Variants in LIPA observed in about 807,000 individuals in gnomAD.
The protein encoded by LIPA is lipase A, lysosomal acid type.
Under a neutral mutation model 40.6 loss-of-function variants are expected in LIPA, and 26 were observed. The ratio of observed to expected loss-of-function variants is 0.64; its 90% CI spans 0.47 to 0.89. The LOEUF (loss-of-function observed/expected upper bound fraction) is 0.89, where lower values mean the gene tolerates loss of function less well. Among genes scored for constraint, LIPA ranks in the 40% least tolerant of loss-of-function variants. The pLI, the probability that LIPA is intolerant of heterozygous loss-of-function variation, is 0.00. For synonymous variants in LIPA, 188 were observed against 168.4 expected (o/e 1.12, Z -0.90); for missense variants, 455 against 479.6 (o/e 0.95, Z 0.48).
At chr10:89,373,549 C>G (rs969636287) in intron 2 of LIPA, among the ~76,000 whole-genome samples, 3 of 152,068 alleles carry the variant, frequency 2.0e-5, no homozygotes, top group Non-Finnish European at 2.9e-5. Flanking sequence ...AAACATCAGA[C>G]ACTCTCTGTA....
chr10:89,401,325 T>C (rs303213), intron 2 of LIPA, among the ~76,000 whole-genome samples: 26,373 of 152,036 alleles, frequency 0.17, 2,941 homozygotes, highest in East Asian at 0.44. Flanking sequence ...TTTCACCATG[T>C]TGGTCAGCTG....
At position 89,280,905 on chromosome 10, in the gene LIPA, A is replaced by C. The variant is rs1843311196; in HGVS notation, c.-1-33256T>G. Reference sequence around the variant, plus strand: ...ACCTCTTTGCATTCCAGCTATTATAATCCCAATTTACCCTAAAGAAACTCT... The same window carrying C: ...ACCTCTTTGCATTCCAGCTATTATACTCCCAATTTACCCTAAAGAAACTCT... On this transcript the variant is annotated intron_variant, in intron 1 of 5. Coordinates refer to the LIPA transcript ENST00000282673. Among the ~76,000 whole-genome samples, 4 of 152,210 alleles carry C rather than the reference A, an allele frequency of 2.6e-5. No homozygotes were observed. In the South Asian group the frequency reaches 8.3e-4, roughly 32 times the overall value.
chr10:89,283,198 A>T (rs1843325160), intron 1 of LIPA, among the ~76,000 whole-genome samples: 1 of 152,220 alleles, frequency 6.6e-6, no homozygotes, highest in African/African-American at 2.4e-5. Flanking sequence ...AAAGGTGGCC[A>T]ACCATTCAAA....
At chr10:89,292,377 A>G (rs142215172) in intron 1 of LIPA, 1 of 152,366 alleles carries the variant, frequency 6.6e-6, no homozygotes, top group Admixed American at 6.5e-5. Flanking sequence ...AGCGAATAAA[A>G]AGAAAAAAAG....
intron 1 of LIPA, among the ~76,000 whole-genome samples, chr10:89,281,987 T>C (rs2133498499): frequency 6.6e-6 from 1 of 152,348 alleles, no homozygotes; most frequent in Non-Finnish European, 1.5e-5. Flanking sequence ...GTGTTCCATG[T>C]GCATTCACAT....
At chr10:89,284,771 G>A (rs939256531) in intron 1 of LIPA, among the ~76,000 whole-genome samples, 2 of 152,168 alleles carry the variant, frequency 1.3e-5, no homozygotes, top group African/African-American at 2.4e-5. Flanking sequence ...TGACCTGCAC[G>A]TATAAATCCG....
At chr10:89,344,868 A>C (rs1409683376), upstream of LIPA, among the ~76,000 whole-genome samples, 4 of 152,228 alleles carry the variant, frequency 2.6e-5, no homozygotes, top group African/African-American at 7.2e-5. Flanking sequence ...CCAGAGCAAC[A>C]AAACTGCAGA....
In LIPA at chr10:89,411,911, G is replaced by A. The variant is rs550785246; in HGVS notation, c.61+880C>T. Among the ~76,000 whole-genome samples the A allele has an allele frequency of 2.6e-5, 4 of 152,338 alleles. No homozygotes were observed. In the South Asian group the frequency reaches 6.2e-4, roughly 24 times the overall value. On this transcript the variant is annotated intron_variant, in intron 2 of 8. Transcript: ENST00000371837. ...TTCTAGGTCCTGTGGCAGCCATCTT[G>A]CTGTTACTTGTCTTTGGGCCCTGTG...
intron 2 of LIPA, among the ~76,000 whole-genome samples, chr10:89,391,590 T>C (rs1161112978): frequency 1.3e-5 from 2 of 152,154 alleles, no homozygotes; most frequent in Non-Finnish European, 2.9e-5. Flanking sequence ...AGTACAGTGG[T>C]GTGATCTCGG....
At chr10:89,285,290 C>T in intron 1 of LIPA, 1 of 153,176 alleles carries the variant, frequency 6.5e-6, no homozygotes, top group Non-Finnish European at 1.5e-5. Flanking sequence ...TTACTCTCTT[C>T]TCCAATCTCT....
At chr10:89,307,012 C>A (rs1727) in intron 1 of LIPA, 1,233,479 of 1,613,674 alleles carry the variant, frequency 0.76, 475,430 homozygotes, top group East Asian at 0.98. Flanking sequence ...AGTATGAAGA[C>A]GCAGAGTATT....
chr10:89,233,777 AATT>A (rs1842871398), intron 3 of LIPA, among the ~76,000 whole-genome samples: 1 of 152,064 alleles, frequency 6.6e-6, no homozygotes, highest in Non-Finnish European at 1.5e-5. Flanking sequence ...GAGGCAGGAG[AATT>A]GTTTGAACCC....
rs1011619050 is a variant in LIPA at position 89,228,349 on chromosome 10, A to G, written c.279T>C (p.Ser93=). The change falls in exon 4 of 10, where the codon AGT becomes AGC. Residue 93 remains serine, a synonymous_variant. Coordinates refer to ENST00000336233, the MANE Select transcript of LIPA (RefSeq NM_000235.4). ...FLQHGLLADS[S]NWVTNLANSS... Reference sequence around the variant, plus strand: ...TGTTGGCAAGGTTTGTGACCCAGTTACTAGAATCTGCCAGCAAGCCATGTT... The same window carrying G: ...TGTTGGCAAGGTTTGTGACCCAGTTGCTAGAATCTGCCAGCAAGCCATGTT... The G allele has an allele frequency of 2.7e-5, 43 of 1,614,112 alleles. No homozygotes were observed. Among genetic ancestry groups the G allele is most frequent in the Non-Finnish European group, 3.6e-5 (43 of 1,180,042 alleles).
intron 2 of LIPA, among the ~76,000 whole-genome samples, chr10:89,408,128 G>C (rs1249588203): frequency 2.6e-5 from 4 of 151,902 alleles, no homozygotes; most frequent in African/African-American, 9.7e-5. Context: ...GGTATCAACA[G>C]GCTCACCCTT....
chr10:89,362,762 T>C, intron 2 of LIPA: 1 of 718,162 alleles, frequency 1.4e-6, no homozygotes, highest in East Asian at 3.1e-5. Flanking sequence ...TGGCGAAGTG[T>C]GGAGGAAAGA....
At chr10:89,412,986 A>AT (rs1841487653) in intron 1 of LIPA, 1 of 181,218 alleles carries the variant, frequency 5.5e-6, no homozygotes, top group Non-Finnish European at 1.2e-5. Context: ...ACTTAGCTAT[A>AT]CTTCTTGATG....
Position 89,281,144 on chromosome 10 carries a change from T to C in LIPA, c.-1-33495A>G, listed in dbSNP as rs1005023283. Among the ~76,000 whole-genome samples, 3 of 152,232 alleles carry C rather than the reference T, an allele frequency of 2.0e-5. No homozygotes were observed. In the South Asian group the frequency reaches 6.2e-4, roughly 32 times the overall value. On this transcript the variant is annotated intron_variant, in intron 1 of 5. Transcript: ENST00000282673. ...AAGGATTCCCTCCTTGACCAAACTT[T>C]AGGCAGGTTCCTTTTTAGTCAGAGC...
chr10:89,246,252 T>C (rs758128585), intron 2 of LIPA, among the ~76,000 whole-genome samples: 2 of 152,146 alleles, frequency 1.3e-5, no homozygotes, highest in Non-Finnish European at 2.9e-5. Flanking sequence ...AATAATTACA[T>C]AGAATGTCAA....
chr10:89,393,948 T>A (rs1285919749), intron 2 of LIPA, among the ~76,000 whole-genome samples: 4 of 152,232 alleles, frequency 2.6e-5, no homozygotes, highest in Admixed American at 6.5e-5. Context: ...CTTCTTGAAT[T>A]CGTATTAAGT....
Sources: allele counts gnomAD v4.1 joint callset (sites outside exome capture counted in the v4.1 genomes callset), GRCh38; gene constraint gnomAD v4.1.1; transcripts MANE v1.5; gene names NCBI Gene and HGNC (gene_info 2026-07-23, HGNC 2026-07-21).